The following DCT variants were observed in gnomAD, a reference collection of about 807,000 sequenced individuals.
DCT encodes L-dopachrome tautomerase.
Under a neutral mutation model 53.0 loss-of-function variants are expected in DCT, and 47 were observed. The observed-to-expected ratio is 0.89, with a 90% CI of 0.70 to 1.13. DCT has a LOEUF of 1.13. Ranked by LOEUF, DCT falls within the 50% of genes most tolerant of loss-of-function variation. The probability of loss-of-function intolerance (pLI) is 0.00; values close to 1 mark genes in which losing one functional copy is unlikely to be tolerated. For synonymous variants in DCT, 244 were observed against 237.0 expected (o/e 1.03, Z -0.27); for missense variants, 669 against 637.4 (o/e 1.05, Z -0.53).
the DCT span, among the ~76,000 whole-genome samples, chr13:94,524,493 C>G: frequency 6.6e-6 from 1 of 152,188 alleles, no homozygotes; most frequent in Non-Finnish European, 1.5e-5. Flanking sequence ...GCCTGGAGAC[C>G]CTTTAGATAG....
At chr13:94,524,374 A>G in the DCT span, among the ~76,000 whole-genome samples, 1 of 152,222 alleles carries the variant, frequency 6.6e-6, no homozygotes, top group Non-Finnish European at 1.5e-5. Flanking sequence ...ATGTGGCTAC[A>G]TGGCATCCTG....
intron 1 of DCT, among the ~76,000 whole-genome samples, chr13:94,475,535 C>T (rs962451200): frequency 2.6e-5 from 4 of 151,878 alleles, no homozygotes; most frequent in Non-Finnish European, 4.4e-5. Flanking sequence ...GGGGGAGGGG[C>T]GATAGGGAGT....
At chr13:94,515,169 G>A in the DCT span, among the ~76,000 whole-genome samples, 1 of 152,186 alleles carries the variant, frequency 6.6e-6, no homozygotes, top group Non-Finnish European at 1.5e-5. Context: ...TGGACTTCCA[G>A]CCTCCAAAAC....
At chr13:94,479,863 A>G (rs1885363508), upstream of DCT, among the ~76,000 whole-genome samples, 1 of 152,180 alleles carries the variant, frequency 6.6e-6, no homozygotes, top group East Asian at 1.9e-4. Flanking sequence ...TTATTTCAGG[A>G]GGGCAAAACC....
In DCT at chr13:94,466,633, T is replaced by C; in HGVS notation, c.621A>G (p.Ile207Met). 6.2e-7 allele frequency: 1 copy of C among 1,610,894 alleles called. No homozygotes were observed. Among genetic ancestry groups the C allele is most frequent in the Non-Finnish European group, 8.5e-7 (1 of 1,178,514 alleles). ...LLGPGRPYRA[I>M]DFSHQGPAFV... ...ATGCAGGTCCTTGATGTGAGAAATCTATGGCCCTGTAGGGGCGTCCTGGTC... is the reference window on the plus strand; with the variant it reads ...ATGCAGGTCCTTGATGTGAGAAATCCATGGCCCTGTAGGGGCGTCCTGGTC... The change falls in exon 3 of 8, where the codon ATA becomes ATG. Residue 207 changes from isoleucine (I) to methionine (M), a missense_variant. Transcript: ENST00000377028.
the DCT span, among the ~76,000 whole-genome samples, chr13:94,511,834 G>T: frequency 6.8e-5 from 3 of 44,110 alleles, no homozygotes; most frequent in Admixed American, 3.9e-4. Context: ...CAGTGTGTGT[G>T]TGTGTGTGTG....
chr13:94,470,865 C>T (rs1884601040), intron 1 of DCT, among the ~76,000 whole-genome samples: 2 of 152,222 alleles, frequency 1.3e-5, no homozygotes, highest in Non-Finnish European at 2.9e-5. Context: ...CATTACTACA[C>T]TTGTTTCAGC....
At chr13:94,462,904 G>A (rs937543328) in intron 4 of DCT, among the ~76,000 whole-genome samples, 6 of 152,128 alleles carry the variant, frequency 3.9e-5, no homozygotes, top group Non-Finnish European at 2.9e-5. Context: ...AAACCTTTTA[G>A]GCAAACTGAA....
intron 3 of DCT, 93 bp downstream of exon 3, chr13:94,466,465 G>A (rs1355353632): frequency 1.4e-6 from 1 of 696,936 alleles, no homozygotes; most frequent in Non-Finnish European, 2.3e-6. Context: ...TGAGTATCAA[G>A]ATAAGTATAT....
intron 6 of DCT, 62 bp from the exon 7 acceptor site, chr13:94,443,699 A>T (rs929466170): frequency 5.9e-5 from 79 of 1,334,636 alleles, no homozygotes; most frequent in Non-Finnish European, 8.2e-5. Flanking sequence ...CACCAACCTG[A>T]CTGTTGCTTT....
At chr13:94,456,247 C>T (rs727299) in intron 6 of DCT, among the ~76,000 whole-genome samples, 12,881 of 152,186 alleles carry the variant, frequency 0.085, 748 homozygotes, top group African/African-American at 0.18. Context: ...GAAAGAACAA[C>T]TCTACCAACT....
chr13:94,533,537 C>A, the DCT span, among the ~76,000 whole-genome samples: 1 of 152,186 alleles, frequency 6.6e-6, no homozygotes, highest in Non-Finnish European at 1.5e-5. Flanking sequence ...ATAATCCCAA[C>A]ACTTTGGGAA....
rs936010461 is a variant in DCT, at chr13:94,437,967, T to C, written c.*1931A>G. ...CCAAGTCTTATGAGACTATGATATA[T>C]GAGAATTCTGATATACCTGACAGAT... On this transcript the variant is annotated 3_prime_UTR_variant, in exon 8 of 8. Transcript: ENST00000377028. 2 of 152,178 alleles carry C rather than the reference T, an allele frequency of 1.3e-5. No homozygotes were observed. The highest frequency in any genetic ancestry group is 2.9e-5 in the Non-Finnish European group (2 of 68,012). 9.4% of individuals were successfully genotyped at this position (152,178 alleles called of 1,614,324 possible).
At chr13:94,447,446 A>G (rs576381106) in intron 6 of DCT, among the ~76,000 whole-genome samples, 2 of 152,334 alleles carry the variant, frequency 1.3e-5, no homozygotes, top group African/African-American at 4.8e-5. Flanking sequence ...AGCTCAAGTG[A>G]TAATGCTCAA....
chr13:94,442,639 T>C (rs1272971450), intron 7 of DCT, among the ~76,000 whole-genome samples: 1 of 152,172 alleles, frequency 6.6e-6, no homozygotes, highest in East Asian at 1.9e-4. Flanking sequence ...GTGGGAAAAG[T>C]TAATAAGAAA....
chr13:94,465,824 C>A, intron 3 of DCT, 25 bp from the exon 4 acceptor site: 1 of 1,595,996 alleles, frequency 6.3e-7, no homozygotes, highest in South Asian at 1.1e-5. Flanking sequence ...CAGGCCTAGT[C>A]ATTTAATCCA....
At position 94,443,582 on chromosome 13, in the gene DCT, G is replaced by A; in HGVS notation, c.1235C>T (p.Pro412Leu). 6.2e-7 allele frequency: 1 copy of A among 1,614,020 alleles called. No individual in the cohort carries two copies. Residue 412 changes from proline (P) to leucine (L), a missense_variant, in exon 7 of 8, where the codon CCT becomes CTT. Coordinates refer to ENST00000377028, the MANE Select transcript of DCT (RefSeq NM_001922.5). ...IFDEWMKRFN[P>L]PADAWPQELA... ...CTCCTGAGGCCAGGCATCTGCAGGA[G>A]GATTAAATCTTTTCATCCACTCATC... is the stretch of plus-strand genomic sequence containing the variant.
chr13:94,445,688 C>T, intron 6 of DCT: 2 of 1,503,468 alleles, frequency 1.3e-6, no homozygotes, highest in African/African-American at 1.4e-5. Flanking sequence ...AGGAAAAAAA[C>T]CTGAGTAGAG....
the DCT span, among the ~76,000 whole-genome samples, chr13:94,488,015 T>C: frequency 1.3e-5 from 2 of 152,196 alleles, no homozygotes; most frequent in East Asian, 3.8e-4. Context: ...TCTGTGTTTA[T>C]ACACCAAACA....
Sources: gnomAD v4.1 joint callset for allele counts (sites outside exome capture counted in the v4.1 genomes callset) on GRCh38, gnomAD v4.1.1 for gene constraint, MANE v1.5 for transcripts, NCBI Gene and HGNC (gene_info 2026-07-23, HGNC 2026-07-21) for gene names.